The following ARHGEF39 variants were observed in gnomAD, a reference collection of about 807,000 sequenced individuals.
ARHGEF39 encodes Rho guanine nucleotide exchange factor 39, also known as Rho guanine nucleotide exchange factor (GEF) 39.
A neutral mutation model predicts 47.5 loss-of-function variants in ARHGEF39; 45 were observed. That is an observed-to-expected ratio of 0.95 (90% CI 0.75 to 1.22). The LOEUF (loss-of-function observed/expected upper bound fraction) is 1.22. Among genes scored for constraint, ARHGEF39 ranks in the 50% most tolerant of loss-of-function variants. ARHGEF39 has a pLI of 0.00. For missense variants in ARHGEF39, 411 were observed against 425.3 expected, an observed-to-expected ratio of 0.97 and a Z score of 0.30; for synonymous variants, 164 against 167.8, an observed-to-expected ratio of 0.98 and a Z score of 0.17.
At position 35,661,490 on chromosome 9, in the gene ARHGEF39, G is replaced by A. The variant is rs1263304665; in HGVS notation, c.*497C>T. ...AAATCCAGTGGAAAAATAAATGATA[G>A]AAACTATACACAACATAAAAATAGC... On this transcript the variant is annotated 3_prime_UTR_variant, in exon 9 of 9. Coordinates refer to ENST00000378387, the MANE Select transcript of ARHGEF39 (RefSeq NM_032818.3). 2.1e-6 allele frequency: 1 copy of A among 469,018 alleles called. No homozygotes were observed. The highest frequency in any genetic ancestry group is 3.3e-5 in the East Asian group (1 of 30,746). 29.1% of individuals were successfully genotyped at this position (469,018 alleles called of 1,614,324 possible).
intron 7 of ARHGEF39, 52 bp from the exon 8 acceptor site, chr9:35,662,319 C>T (rs373614212): frequency 3.2e-6 from 5 of 1,559,482 alleles, no homozygotes; most frequent in Non-Finnish European, 4.4e-6. Flanking sequence ...CAGGCTAAAG[C>T]TGAAGCCCTT....
Position 35,662,750 on chromosome 9 carries a change from T to C in ARHGEF39, c.674-9A>G. 1 of 1,551,574 alleles carries C rather than the reference T, an allele frequency of 6.4e-7. No individual in the cohort carries two copies. Among genetic ancestry groups the C allele is most frequent in the South Asian group, 1.2e-5 (1 of 84,722 alleles). ...GCGTAGGAACCAGCGCCCTGGGGGA[T>C]GGGAGCGCTGTTATTCTGGTGCAGC... On this transcript the variant is annotated splice_polypyrimidine_tract_variant and intron_variant, in intron 6 of 8. Coordinates refer to ENST00000378387, the MANE Select transcript of ARHGEF39 (RefSeq NM_032818.3).
In ARHGEF39 at chr9:35,661,939, G is replaced by A. The variant is rs749939324; in HGVS notation, c.*48C>T. 2 of 1,594,428 alleles carry A rather than the reference G, an allele frequency of 1.3e-6. No homozygotes were observed. The highest frequency in any genetic ancestry group is 1.7e-6 in the Non-Finnish European group (2 of 1,168,048). On this transcript the variant is annotated 3_prime_UTR_variant, in exon 9 of 9. Coordinates refer to ENST00000378387, the MANE Select transcript of ARHGEF39 (RefSeq NM_032818.3). ...TGAAGATTCCTTTGTACTCTTGGCTGTGACCTATCCCTGAGGTATCCTGAG... is the reference window on the plus strand; with the variant it reads ...TGAAGATTCCTTTGTACTCTTGGCTATGACCTATCCCTGAGGTATCCTGAG...
chr9:35,664,369 T>A lies in ARHGEF39; in HGVS notation c.354+3A>T. 6.3e-7 allele frequency: 1 copy of A among 1,598,574 alleles called. No individual in the cohort carries two copies. Among genetic ancestry groups the A allele is most frequent in the Non-Finnish European group, 8.5e-7 (1 of 1,173,834 alleles). On this transcript the variant is annotated splice_donor_region_variant and intron_variant, in intron 3 of 8. Transcript: ENST00000378387. ...GCAAGATTTGAGGTCATCTCCAGGT[T>A]ACCTGCAGGGTGGTCTGGGACCTCT...
chr9:35,661,935 G>C lies in ARHGEF39; in HGVS notation c.*52C>G. ...GTACTGAAGATTCCTTTGTACTCTTGGCTGTGACCTATCCCTGAGGTATCC... is the reference window on the plus strand; with the variant it reads ...GTACTGAAGATTCCTTTGTACTCTTCGCTGTGACCTATCCCTGAGGTATCC... On this transcript the variant is annotated 3_prime_UTR_variant, in exon 9 of 9. Transcript: ENST00000378387. The C allele has an allele frequency of 6.3e-7, 1 of 1,584,744 alleles. No individual in the cohort carries two copies. The highest frequency in any genetic ancestry group is 1.7e-4 in the Middle Eastern group (1 of 5,954).
Position 35,662,606 on chromosome 9 carries a change from C to A in ARHGEF39, c.809G>T (p.Gly270Val). The A allele has an allele frequency of 6.2e-7, 1 of 1,614,186 alleles. No homozygotes were observed. The highest frequency in any genetic ancestry group is 8.5e-7 in the Non-Finnish European group (1 of 1,180,038). Reference protein sequence around the residue: ...PRPPLHLLRSGTFACKALYPM... With the variant: ...PRPPLHLLRSVTFACKALYPM... ...GTAGAGGGCCTTGCAGGCAAAGGTG[C>A]CACTCCGCAGCAGGTGCAGTGGAGG... The change falls in exon 7 of 9, where the codon GGC becomes GTC. Residue 270 changes from glycine to valine, a missense_variant. Coordinates refer to ENST00000378387, the MANE Select transcript of ARHGEF39 (RefSeq NM_032818.3).
rs368241522 is a variant in ARHGEF39, at chr9:35,663,321, C to G, written c.544+1G>C. On this transcript the variant is annotated splice_donor_variant, in intron 5 of 8. Transcript: ENST00000378387. LOFTEE classifies it high-confidence loss of function. Reference sequence around the variant, plus strand: ...TGCGTTGCCGAGGAGCAAGAACCTACGTGTGAGCTGTTGATGGTCAGGGCT... The same window carrying G: ...TGCGTTGCCGAGGAGCAAGAACCTAGGTGTGAGCTGTTGATGGTCAGGGCT... 2 of 1,613,974 alleles carry G rather than the reference C, an allele frequency of 1.2e-6. No individual in the cohort carries two copies. Among genetic ancestry groups the G allele is most frequent in the Non-Finnish European group, 1.7e-6 (2 of 1,179,838 alleles).
Position 35,662,528 on chromosome 9 carries a change from C to T in ARHGEF39, c.887G>A (p.Cys296Tyr), listed in dbSNP as rs1318276928. The T allele has an allele frequency of 1.2e-6, 2 of 1,613,594 alleles. No homozygotes were observed. Among genetic ancestry groups the T allele is most frequent in the East Asian group, 2.2e-5 (1 of 44,902 alleles). ...SRVFGHSGGP[C>Y]GGLLSLSFPH... ...ATTACTTACACTGAGCAACCCACCA[C>T]AAGGGCCTCCTGAGTGGCCAAAGAC... Residue 296 changes from cysteine (C) to tyrosine (Y), a missense_variant, in exon 7 of 9, where the codon TGT becomes TAT. By Grantham distance (194) the Cys-to-Tyr change is radical. Transcript: ENST00000378387.
rs757071480 is a variant in ARHGEF39 at position 35,665,021 on chromosome 9, A to C, written c.138+11T>G. ...CTGTCCTATAATGGGAGCGTGTGCC[A>C]GGTCCCCCACCGTGGCCACCAGCCC... On this transcript the variant is annotated intron_variant, in intron 1 of 8. Coordinates refer to ENST00000378387, the MANE Select transcript of ARHGEF39 (RefSeq NM_032818.3). The C allele has an allele frequency of 6.5e-7, 1 of 1,546,918 alleles. No individual in the cohort carries two copies. The highest frequency in any genetic ancestry group is 8.7e-7 in the Non-Finnish European group (1 of 1,147,124).
chr9:35,662,511 C>A lies in ARHGEF39; in HGVS notation c.903+1G>T, dbSNP rs146570980. 1.4e-4 allele frequency: 227 copies of A among 1,611,856 alleles called. No homozygotes were observed. The highest frequency in any genetic ancestry group is 1.8e-4 in the Non-Finnish European group (217 of 1,178,988). ...GTCTAGGGTTCCCACCTATTACTTA[C>A]ACTGAGCAACCCACCACAAGGGCCT... On this transcript the variant is annotated splice_donor_variant, in intron 7 of 8. Coordinates refer to ENST00000378387, the MANE Select transcript of ARHGEF39 (RefSeq NM_032818.3). LOFTEE classifies it high-confidence loss of function.
At position 35,664,495 on chromosome 9, in the gene ARHGEF39, G is replaced by T. The variant is rs915250609; in HGVS notation, c.234-3C>A. On this transcript the variant is annotated splice_polypyrimidine_tract_variant and splice_region_variant and intron_variant, in intron 2 of 8. Transcript: ENST00000378387. ...CTTCCAGGTAGGGAAGCAGCTCCCT[G>T]TGTGGGCAAGGACAGCAAAAGGGCA... 1.3e-6 allele frequency: 2 copies of T among 1,595,008 alleles called. No homozygotes were observed. The highest frequency in any genetic ancestry group is 2.7e-5 in the African/African-American group (2 of 73,972).
At position 35,661,789 on chromosome 9, in the gene ARHGEF39, C is replaced by A. The variant is rs529933416; in HGVS notation, c.*198G>T. The A allele has an allele frequency of 8.9e-4, 532 of 594,828 alleles. 5 individuals are homozygous for A. Among genetic ancestry groups the A allele is most frequent in the South Asian group, 5.4e-3 (205 of 38,086 alleles). The allele number at this position is 594,828 out of a possible 1,614,324, so 36.8% of individuals were successfully genotyped here. A position where few individuals can be genotyped will look rare whatever the true frequency, so the allele number is the denominator to read the frequency against. The stretch of plus-strand genomic sequence containing the variant: ...TCTGCTTCCCAAAGTGCTGGGATTA[C>A]AGGCATGAGCCACTGTGCCTGGCCG... On this transcript the variant is annotated 3_prime_UTR_variant, in exon 9 of 9. Transcript: ENST00000378387.
In ARHGEF39 at chr9:35,661,154, TG is replaced by T. The variant is rs1189029600; in HGVS notation, c.*832del. The T allele has an allele frequency of 6.8e-6, 11 of 1,607,454 alleles. No homozygotes were observed. In the Admixed American group the frequency reaches 1.5e-4, roughly 22 times the overall value. On this transcript the variant is annotated 3_prime_UTR_variant, in exon 9 of 9. Transcript: ENST00000378387. ...TTGGCTGGGAAGGAGGGACGACAGC[TG>T]AAGGTCGACTAAAACAAAGTCTGTT...
chr9:35,661,197 C>T lies in ARHGEF39; in HGVS notation c.*790G>A. 1.9e-6 allele frequency: 3 copies of T among 1,574,918 alleles called. No homozygotes were observed. The highest frequency in any genetic ancestry group is 2.6e-6 in the Non-Finnish European group (3 of 1,158,642). On this transcript the variant is annotated 3_prime_UTR_variant, in exon 9 of 9. Transcript: ENST00000378387. ...AAGTCTGTTTTCATGATGGAGTGCT[C>T]CTGTGTGTTTTTTCGATCCTAGTTG...
Position 35,661,354 on chromosome 9 carries a change from G to C in ARHGEF39, c.*633C>G, listed in dbSNP as rs758396886. ...AGAGGGAGCTCCAGCTCTTTTCCTCGTATTCCTGAGGCCACCAGCATGCCC... is the reference window on the plus strand; with the variant it reads ...AGAGGGAGCTCCAGCTCTTTTCCTCCTATTCCTGAGGCCACCAGCATGCCC... On this transcript the variant is annotated 3_prime_UTR_variant, in exon 9 of 9. Transcript: ENST00000378387. 1 of 540,232 alleles carries C rather than the reference G, an allele frequency of 1.9e-6. No individual in the cohort carries two copies. Among genetic ancestry groups the C allele is most frequent in the East Asian group, 3.0e-5 (1 of 32,914 alleles). 33.5% of individuals were successfully genotyped at this position (540,232 alleles called of 1,614,324 possible).
chr9:35,662,981 A>T lies in ARHGEF39; in HGVS notation c.638T>A (p.Leu213Gln). Residue 213 changes from leucine (L) to glutamine (Q), a missense_variant, in exon 6 of 9, where the codon CTG (leucine) becomes CAG (glutamine). Transcript: ENST00000378387. ...CCCCTTTGCCTGGCGTCCACTGAGC[A>T]GAGCCTGGACACGCCGAAGGTGCTG... The part of the protein sequence containing the change: ...NDQHLRRVQA[L>Q]LSGRQAKGLT... 1 of 1,609,998 alleles carries T rather than the reference A, an allele frequency of 6.2e-7. No homozygotes were observed. The highest frequency in any genetic ancestry group is 8.5e-7 in the Non-Finnish European group (1 of 1,176,780).
At chr9:35,663,877 G>C in intron 4 of ARHGEF39, 131 bp downstream of exon 4, 1 of 934,080 alleles carries the variant, frequency 1.1e-6, no homozygotes, top group Non-Finnish European at 1.7e-6. Flanking sequence ...TCTTGCAAAA[G>C]GTTTTTAGAA....
Position 35,661,718 on chromosome 9 carries a change from T to C in ARHGEF39, c.*269A>G, listed in dbSNP as rs1298102329. 3 of 443,396 alleles carry C rather than the reference T, an allele frequency of 6.8e-6. No homozygotes were observed. The highest frequency in any genetic ancestry group is 2.0e-5 in the African/African-American group (1 of 50,062). The allele number at this position is 443,396 out of a possible 1,614,324, so 27.5% of individuals were successfully genotyped here. A position where few individuals can be genotyped will look rare whatever the true frequency, so the allele number is the denominator to read the frequency against. On this transcript the variant is annotated 3_prime_UTR_variant, in exon 9 of 9. Coordinates refer to ENST00000378387, the MANE Select transcript of ARHGEF39 (RefSeq NM_032818.3). ...AGAGACAGGGTCTCACTCACTGTGT[T>C]GCCCAGGCTGGTCTTGAACTCCTGG...
At position 35,665,045 on chromosome 9, in the gene ARHGEF39, C is replaced by G. The variant is rs1477832822; in HGVS notation, c.125G>C (p.Gly42Ala). The G allele has an allele frequency of 6.4e-7, 1 of 1,563,702 alleles. No homozygotes were observed. The highest frequency in any genetic ancestry group is 1.3e-5 in the African/African-American group (1 of 74,344). ...ETERRYQEQL[G>A]LVATYFLGIL... Reference sequence around the variant, plus strand: ...CAGGTCCCCCACCGTGGCCACCAGCCCCAGCTGTTCTTGGTAGCGCCGCTC... The same window carrying G: ...CAGGTCCCCCACCGTGGCCACCAGCGCCAGCTGTTCTTGGTAGCGCCGCTC... Residue 42 changes from glycine to alanine, a missense_variant, in exon 1 of 9, where the codon GGG becomes GCG. Gly to Ala is a moderately conservative substitution (Grantham distance 60, BLOSUM62 0). Transcript: ENST00000378387.
Sources: allele counts gnomAD v4.1 joint callset, GRCh38; gene constraint gnomAD v4.1.1; transcripts MANE v1.5; gene names NCBI Gene and HGNC (gene_info 2026-07-23, HGNC 2026-07-21).